The following CLN6 variants were observed in gnomAD, a reference collection of about 807,000 sequenced individuals.
The protein encoded by CLN6 is CLN6 transmembrane ER protein, also known as ceroid-lipofuscinosis neuronal protein 6.
In CLN6, 22 loss-of-function variants were observed where a neutral mutation model predicts 33.3. The observed-to-expected ratio is 0.66, with a 90% CI of 0.47 to 0.94. CLN6 has a LOEUF of 0.94. CLN6 is among the 40% of genes least tolerant of loss of function. The pLI, the probability that CLN6 is intolerant of heterozygous loss-of-function variation, is 0.00. For missense variants in CLN6, 387 were observed against 417.1 expected, an observed-to-expected ratio of 0.93 and a Z score of 0.63; for synonymous variants, 201 against 174.6, an observed-to-expected ratio of 1.15 and a Z score of -1.19.
In CLN6 at chr15:68,236,796, T is replaced by C. The variant is rs1892222513; in HGVS notation, c.180-18146A>G. ...GAAAATAAGGCAAAGACCTTTGCAA[T>C]TGATCAGACATATCTGAAAAATAAG... On this transcript the variant is annotated intron_variant, in intron 1 of 6. Transcript: ENST00000538696. The surrounding 1 kb of genome is among the most constrained non-coding windows in gnomAD (Gnocchi z 4.5). Among the ~76,000 whole-genome samples the C allele has an allele frequency of 1.3e-5, 2 of 152,244 alleles. No individual in the cohort carries two copies.
intron 1 of CLN6, among the ~76,000 whole-genome samples, chr15:68,245,386 A>C (rs1892320418): frequency 6.6e-6 from 1 of 151,936 alleles, no homozygotes; most frequent in Non-Finnish European, 1.5e-5. Flanking sequence ...AACATGTTGA[A>C]ACCTCATCTC....
At position 68,247,475 on chromosome 15, in the gene CLN6, G is replaced by A. The variant is rs1595831474; in HGVS notation, c.179+9215C>T. The stretch of plus-strand genomic sequence containing the variant: ...CCTAGGAATAAATTTAACCGAAGAG[G>A]AGAAAGATCTCTTCAAGGAAAACTA... On this transcript the variant is annotated intron_variant, in intron 1 of 6. Transcript: ENST00000538696. The surrounding 1 kb of genome is among the most constrained non-coding windows in gnomAD (Gnocchi z 4.2). 1.3e-5 allele frequency among the ~76,000 whole-genome samples: 2 copies of A among 152,048 alleles called. No homozygotes were observed. The highest frequency in any genetic ancestry group is 3.9e-4 in the East Asian group (2 of 5,192).
chr15:68,256,808 C>T lies in CLN6; in HGVS notation c.61G>A (p.Gly21Arg), dbSNP rs1892442384. The change falls in exon 1 of 7, where the codon GGA (glycine) becomes AGA (arginine). Residue 21 changes from glycine (G) to arginine (R), a missense_variant. Gly to Arg is a moderately radical substitution (Grantham distance 125). Transcript: ENST00000538696. This position sits in a 1 kb window ranked among gnomAD's most constrained non-coding sequence, Gnocchi z 4.1. ...CCTCCCTCCCTCCTAGGGATGGCTC[C>T]CAGTGTCTCTGGCCGGGGCCTGCCT... The T allele has an allele frequency of 1.4e-6, 1 of 702,220 alleles. No individual in the cohort carries two copies. The highest frequency in any genetic ancestry group is 2.6e-6 in the Non-Finnish European group (1 of 384,710). 43.5% of individuals were successfully genotyped at this position (702,220 alleles called of 1,614,324 possible). A position where few individuals can be genotyped will look rare whatever the true frequency, so the allele number is the denominator to read the frequency against.
rs538167401 is a variant in CLN6 at position 68,234,942 on chromosome 15, G to A, written c.180-16292C>T. Reference sequence around the variant, plus strand: ...TGAGGCAGGAGAATTGCTTGAACCCGGGAGACGGAAGTTGCAGTGAGCCAA... The same window carrying A: ...TGAGGCAGGAGAATTGCTTGAACCCAGGAGACGGAAGTTGCAGTGAGCCAA... On this transcript the variant is annotated intron_variant, in intron 1 of 6. Transcript: ENST00000538696. This position sits in a 1 kb window ranked among gnomAD's most constrained non-coding sequence, Gnocchi z 4.1. Among the ~76,000 whole-genome samples the A allele has an allele frequency of 2.2e-4, 34 of 152,262 alleles. No homozygotes were observed. The highest frequency in any genetic ancestry group is 7.5e-4 in the African/African-American group (31 of 41,544).
At chr15:68,245,919 C>T (rs1240305368) in intron 1 of CLN6, among the ~76,000 whole-genome samples, 1 of 152,032 alleles carries the variant, frequency 6.6e-6, no homozygotes, top group Non-Finnish European at 1.5e-5. Context: ...ATTAGCTATA[C>T]TTATATTACA....
rs886051441 is a variant in CLN6, at chr15:68,207,894, C to T, written c.*246G>A. The T allele has an allele frequency of 5.1e-5, 29 of 566,432 alleles. No homozygotes were observed. Among genetic ancestry groups the T allele is most frequent in the East Asian group, 4.6e-4 (15 of 32,550 alleles). 35.1% of individuals were successfully genotyped at this position (566,432 alleles called of 1,614,324 possible). The stretch of plus-strand genomic sequence containing the variant: ...CCCAGAAACACTCTAAAACAGAATC[C>T]GATCCTGAGATGATCCAAATCAAAC... On this transcript the variant is annotated 3_prime_UTR_variant, in exon 7 of 7. Coordinates refer to ENST00000249806, the MANE Select transcript of CLN6 (RefSeq NM_017882.3).
upstream of CLN6, among the ~76,000 whole-genome samples, chr15:68,234,085 A>G (rs1892192167): frequency 6.6e-6 from 1 of 152,216 alleles, no homozygotes; most frequent in Non-Finnish European, 1.5e-5. The surrounding 1 kb of genome is among the most constrained non-coding windows in gnomAD (Gnocchi z 4.1). Flanking sequence ...TAGGGAACCT[A>G]AGCATAAGGA....
rs1326761124 is a variant in CLN6, at chr15:68,234,737, C to A, written c.180-16087G>T. Among the ~76,000 whole-genome samples, 4 of 152,198 alleles carry A rather than the reference C, an allele frequency of 2.6e-5. No individual in the cohort carries two copies. Among genetic ancestry groups the A allele is most frequent in the African/African-American group, 9.6e-5 (4 of 41,454 alleles). ...TTTCACTCTTAACAGTTGACAAAGGCCGGGCGCGGTGGCTCACGCATGTAA... is the reference window on the plus strand; with the variant it reads ...TTTCACTCTTAACAGTTGACAAAGGACGGGCGCGGTGGCTCACGCATGTAA... On this transcript the variant is annotated intron_variant, in intron 1 of 6. Transcript: ENST00000538696. The surrounding 1 kb of genome is among the most constrained non-coding windows in gnomAD (Gnocchi z 4.1).
chr15:68,213,562 G>C (rs1201198435), intron 3 of CLN6: 1 of 151,352 alleles, frequency 6.6e-6, no homozygotes, highest in Admixed American at 6.6e-5. Context: ...ATTTTTAATG[G>C]AGACGGGGGT....
upstream of CLN6, among the ~76,000 whole-genome samples, chr15:68,233,116 C>T (rs1052874515): frequency 4.6e-5 from 7 of 152,142 alleles, no homozygotes; most frequent in Non-Finnish European, 8.8e-5. The surrounding 1 kb of genome is among the most constrained non-coding windows in gnomAD (Gnocchi z 4.3). Context: ...TGGCCAGCTC[C>T]GCAGTGCACT....
In CLN6 at chr15:68,256,722, A is replaced by C. The variant is rs1286760946; in HGVS notation, c.147T>G (p.Thr49=). The change falls in exon 1 of 7, where the codon ACT becomes ACG. Residue 49 remains threonine, a synonymous_variant. Transcript: ENST00000538696. The surrounding 1 kb of genome is among the most constrained non-coding windows in gnomAD (Gnocchi z 4.1). ...CTTTGAATTTGAGTTTTCTCAGCGA[A>C]GTCTCACAGGACAATGGCGCCTGCG... The C allele has an allele frequency of 1.0e-5, 7 of 681,704 alleles. No homozygotes were observed. The Admixed American group carries it at 1.6e-4, about 16-fold the overall frequency. 42.2% of individuals were successfully genotyped at this position (681,704 alleles called of 1,614,324 possible). A position where few individuals can be genotyped will look rare whatever the true frequency, so the allele number is the denominator to read the frequency against.
rs889163783 is a variant in CLN6 at position 68,227,866 on chromosome 15, G to A, written c.83+1636C>T. Reference sequence around the variant, plus strand: ...TGACCCTATCTGAGACCCACAGGCTGTTCCCATTGGGCTGTCACAGTTCAG... The same window carrying A: ...TGACCCTATCTGAGACCCACAGGCTATTCCCATTGGGCTGTCACAGTTCAG... On this transcript the variant is annotated intron_variant, in intron 1 of 6. Transcript: ENST00000249806. This position sits in a 1 kb window ranked among gnomAD's most constrained non-coding sequence, Gnocchi z 4.1. Among the ~76,000 whole-genome samples, 3 of 152,224 alleles carry A rather than the reference G, an allele frequency of 2.0e-5. No homozygotes were observed. Among genetic ancestry groups the A allele is most frequent in the African/African-American group, 7.2e-5 (3 of 41,454 alleles).
chr15:68,219,417 GAGA>G lies in CLN6; in HGVS notation c.84-770_84-768del, dbSNP rs1432718454. The stretch of plus-strand genomic sequence containing the variant: ...TTCTCAGCAGTCCACAGTAGAACCT[GAGA>G]AGGAGCCAGCAGAAGCAAGGTGATG... On this transcript the variant is annotated intron_variant, in intron 1 of 6. Transcript: ENST00000249806. This position sits in a 1 kb window ranked among gnomAD's most constrained non-coding sequence, Gnocchi z 4.2. 6.6e-6 allele frequency among the ~76,000 whole-genome samples: 1 copy of G among 152,190 alleles called. No individual in the cohort carries two copies.
chr15:68,217,900 CCTACCTACCTACCTACCTAT>C (rs199602291), intron 2 of CLN6, among the ~76,000 whole-genome samples: 1,541 of 22,112 alleles, frequency 0.07, 30 homozygotes, highest in South Asian at 0.24. Flanking sequence ...TACCTACCTA[CCTACCTACCTACCTACCTAT>C]CTATCTTCCA....
chr15:68,213,878 G>A (rs1321991448), intron 3 of CLN6: 2 of 235,062 alleles, frequency 8.5e-6, no homozygotes, highest in African/African-American at 2.3e-5. Flanking sequence ...AGCTGCTGCT[G>A]CTGCCTCTCC....
rs1356538331 is a variant in CLN6 at position 68,228,957 on chromosome 15, G to C, written c.83+545C>G. ...AGGGCTCCTCATTCATTCTCTGGAC[G>C]GCAGCTTCCGCCCTTCCCCGCTGTC... On this transcript the variant is annotated intron_variant, in intron 1 of 6. Transcript: ENST00000249806. This position sits in a 1 kb window ranked among gnomAD's most constrained non-coding sequence, Gnocchi z 4.4. 6.6e-6 allele frequency among the ~76,000 whole-genome samples: 1 copy of C among 152,120 alleles called. No individual in the cohort carries two copies.
chr15:68,211,991 T>C lies in CLN6; in HGVS notation c.298-128A>G. 7 of 1,004,424 alleles carry C rather than the reference T, an allele frequency of 7.0e-6. No homozygotes were observed. The highest frequency in any genetic ancestry group is 1.0e-5 in the Non-Finnish European group (7 of 679,506). The allele number at this position is 1,004,424 out of a possible 1,614,324, so 62.2% of individuals were successfully genotyped here. ...CTGGAATGTCACTCCAAAAAGTGGC[T>C]GGTCCCTTTAGCAGGCCAGCCCAGC... On this transcript the variant is annotated intron_variant, in intron 3 of 6. Coordinates refer to ENST00000249806, the MANE Select transcript of CLN6 (RefSeq NM_017882.3). This position sits in a 1 kb window ranked among gnomAD's most constrained non-coding sequence, Gnocchi z 5.9.
At chr15:68,254,977 T>C (rs966888133) in intron 1 of CLN6, 6 of 816,496 alleles carry the variant, frequency 7.3e-6, no homozygotes, top group Non-Finnish European at 1.3e-5. Flanking sequence ...TATCAAGTTT[T>C]ACAAAAATGC....
At position 68,209,105 on chromosome 15, in the gene CLN6, GAAGAA is replaced by G. The variant is rs2093196971; in HGVS notation, c.665+527_665+531del. Among the ~76,000 whole-genome samples, 1 of 152,218 alleles carries G rather than the reference GAAGAA, an allele frequency of 6.6e-6. No individual in the cohort carries two copies. Among genetic ancestry groups the G allele is most frequent in the African/African-American group, 2.4e-5 (1 of 41,460 alleles). The stretch of plus-strand genomic sequence containing the variant: ...CTGAGGCCTAAGTCCTCTGCAATGG[GAAGAA>G]GAGAGAGCCAGAGGGAACAAAGACC... On this transcript the variant is annotated intron_variant, in intron 6 of 6. Transcript: ENST00000249806. This position sits in a 1 kb window ranked among gnomAD's most constrained non-coding sequence, Gnocchi z 4.9.
Sources: gnomAD v4.1 joint callset for allele counts (sites outside exome capture counted in the v4.1 genomes callset) on GRCh38, gnomAD v4.1.1 for gene constraint, Gnocchi (gnomAD v3.1) non-coding constraint, MANE v1.5 for transcripts, NCBI Gene and HGNC (gene_info 2026-07-23, HGNC 2026-07-21) for gene names.